The following SLC41A2 variants were observed in gnomAD, a reference collection of about 807,000 sequenced individuals.
SLC41A2 encodes SLC41A1-like 1.
A neutral mutation model predicts 58.3 loss-of-function variants in SLC41A2; 32 were observed. That is an observed-to-expected ratio of 0.55 (90% CI 0.41 to 0.74). The LOEUF is 0.74. SLC41A2 is among the 30% of genes least tolerant of loss of function. The probability of loss-of-function intolerance (pLI) is 0.00; values close to 1 mark genes in which losing one functional copy is unlikely to be tolerated. For synonymous variants in SLC41A2, 190 were observed against 235.0 expected, an observed-to-expected ratio of 0.81 and a Z score of 1.75; for missense variants, 514 against 680.6, an observed-to-expected ratio of 0.76 and a Z score of 2.72.
At chr12:104,924,750 A>T (rs2046761907) in intron 2 of SLC41A2, among the ~76,000 whole-genome samples, 2 of 152,102 alleles carry the variant, frequency 1.3e-5, no homozygotes, top group South Asian at 2.1e-4. Context: ...GTCTCAAAAA[A>T]AAAAAAGAGT....
intron 10 of SLC41A2, among the ~76,000 whole-genome samples, chr12:104,813,169 ACT>A (rs978038541): frequency 6.6e-6 from 1 of 151,988 alleles, no homozygotes; most frequent in African/African-American, 2.4e-5. Flanking sequence ...ACAGAGCAAG[ACT>A]CTGTCTCAAA....
chr12:104,929,428 G>C (rs938506961), intron 1 of SLC41A2, among the ~76,000 whole-genome samples: 1 of 152,150 alleles, frequency 6.6e-6, no homozygotes, highest in Admixed American at 6.5e-5. Context: ...AGCTTGTAAC[G>C]CACTTATTTA....
intron 10 of SLC41A2, among the ~76,000 whole-genome samples, chr12:104,807,945 T>A (rs2040988885): frequency 1.3e-5 from 2 of 152,352 alleles, no homozygotes; most frequent in Non-Finnish European, 2.9e-5. Context: ...AAGTTGCTTA[T>A]CAGCTTAAGG....
chr12:104,834,772 C>G (rs1038581205), intron 10 of SLC41A2, among the ~76,000 whole-genome samples: 1 of 151,808 alleles, frequency 6.6e-6, no homozygotes, highest in East Asian at 1.9e-4. Flanking sequence ...AAAAAGGAAG[C>G]CTTATCATTT....
At chr12:104,886,165 A>C in intron 6 of SLC41A2, 128 bp downstream of exon 6, 1 of 921,620 alleles carries the variant, frequency 1.1e-6, no homozygotes, top group Non-Finnish European at 1.6e-6. Context: ...AATGATAGTT[A>C]TCCTAATCAG....
chr12:104,828,367 G>C (rs565890071), intron 10 of SLC41A2, among the ~76,000 whole-genome samples: 1 of 152,304 alleles, frequency 6.6e-6, no homozygotes, highest in Non-Finnish European at 1.5e-5. Context: ...TAAGCCCACA[G>C]GTAATCTGAT....
intron 10 of SLC41A2, among the ~76,000 whole-genome samples, chr12:104,840,289 G>A (rs1012684637): frequency 6.6e-6 from 1 of 152,346 alleles, no homozygotes; most frequent in South Asian, 2.1e-4. Flanking sequence ...ACTGCTTAGA[G>A]AGAAAGAACC....
At chr12:104,818,346 T>C (rs2041496739) in intron 10 of SLC41A2, among the ~76,000 whole-genome samples, 1 of 152,178 alleles carries the variant, frequency 6.6e-6, no homozygotes, top group Non-Finnish European at 1.5e-5. Context: ...CTAGAACTTT[T>C]AGAAATAAAA....
chr12:104,866,544 A>G lies in SLC41A2; in HGVS notation c.1063T>C (p.Phe355Leu). Reference protein sequence around the residue: ...YYYISPLVGVFFLALTPIWII... With the variant: ...YYYISPLVGVLFLALTPIWII... ...CAAATAGGGGTTAGAGCCAAGAAAA[A>G]TACACCAACTAATGGAGAAATGTAG... Residue 355 changes from phenylalanine (F) to leucine (L), a missense_variant, in exon 7 of 11, where the codon TTT becomes CTT. Transcript: ENST00000258538. The G allele has an allele frequency of 2.5e-6, 4 of 1,611,936 alleles. No homozygotes were observed. The highest frequency in any genetic ancestry group is 3.4e-6 in the Non-Finnish European group (4 of 1,178,862).
intron 10 of SLC41A2, among the ~76,000 whole-genome samples, chr12:104,818,144 A>G (rs2041487625): frequency 1.3e-5 from 2 of 152,218 alleles, no homozygotes; most frequent in Admixed American, 1.3e-4. Flanking sequence ...ATCAATGCTT[A>G]AAAAGAGCAA....
intron 1 of SLC41A2, among the ~76,000 whole-genome samples, chr12:104,953,586 T>G (rs1273863714): frequency 6.6e-6 from 1 of 152,206 alleles, no homozygotes. Context: ...CCATTCTAAC[T>G]GCTATAAGAT....
chr12:104,888,094 T>A (rs2044762623), intron 5 of SLC41A2, among the ~76,000 whole-genome samples: 1 of 152,064 alleles, frequency 6.6e-6, no homozygotes, highest in South Asian at 2.1e-4. Context: ...ATGGCATAAT[T>A]ATTTTTGTAC....
At chr12:104,929,375 C>T (rs1267708195) in intron 1 of SLC41A2, among the ~76,000 whole-genome samples, 5 of 152,258 alleles carry the variant, frequency 3.3e-5, no homozygotes, top group East Asian at 3.9e-4. Flanking sequence ...AAAGAAATTA[C>T]AAATATTCAC....
At chr12:104,880,679 G>A (rs553686882) in intron 6 of SLC41A2, among the ~76,000 whole-genome samples, 1 of 152,140 alleles carries the variant, frequency 6.6e-6, no homozygotes, top group Non-Finnish European at 1.5e-5. Context: ...CTTGATTATG[G>A]TGGACACGCT....
At chr12:104,835,957 G>A (rs948254412) in intron 10 of SLC41A2, among the ~76,000 whole-genome samples, 5 of 152,104 alleles carry the variant, frequency 3.3e-5, no homozygotes, top group African/African-American at 1.2e-4. Flanking sequence ...TGATTCTCCT[G>A]CTTCAGCCTC....
In SLC41A2 at chr12:104,928,434, T is replaced by C. The variant is rs1219711606; in HGVS notation, c.94A>G (p.Thr32Ala). The C allele has an allele frequency of 1.3e-6, 2 of 1,552,544 alleles. No homozygotes were observed. The highest frequency in any genetic ancestry group is 2.7e-5 in the African/African-American group (2 of 73,158). ...TTTAAAAACTTGTCGGATTGAATTG[T>C]GTTTAAACGTAAAGTCCAATCTACA... ...GFVDWTLRLN[T>A]IQSDKFLNLL... Residue 32 changes from threonine to alanine, a missense_variant, in exon 2 of 11, where the codon ACA (threonine) becomes GCA (alanine). Thr to Ala is a moderately conservative substitution (Grantham distance 58). Around this residue, in one of 3 missense-constraint regions of SLC41A2, gnomAD observed 336 missense variants for 430.0 expected, o/e 0.78. Transcript: ENST00000258538.
chr12:104,823,287 C>T (rs1009233631), intron 10 of SLC41A2, among the ~76,000 whole-genome samples: 1 of 152,018 alleles, frequency 6.6e-6, no homozygotes, highest in Non-Finnish European at 1.5e-5. Context: ...ATATCTATAC[C>T]TGTCAACATA....
Position 104,804,980 on chromosome 12 carries a change from G to C in SLC41A2, c.*172C>G. On this transcript the variant is annotated 3_prime_UTR_variant, in exon 11 of 11. Coordinates refer to ENST00000258538, the MANE Select transcript of SLC41A2 (RefSeq NM_001352171.3). ...AGCAGCACGAATACTCTTCATTCTG[G>C]TTTTGACACAAATTCCTTAAAAAAA... The C allele has an allele frequency of 1.9e-6, 1 of 538,758 alleles. No homozygotes were observed. The highest frequency in any genetic ancestry group is 3.2e-5 in the South Asian group (1 of 31,580). The allele number at this position is 538,758 out of a possible 1,614,324, so 33.4% of individuals were successfully genotyped here. A position where few individuals can be genotyped will look rare whatever the true frequency, so the allele number is the denominator to read the frequency against.
At position 104,839,300 on chromosome 12, in the gene SLC41A2, A is replaced by C. The variant is rs186245763; in HGVS notation, c.1536+5172T>G. Among the ~76,000 whole-genome samples, 589 of 152,236 alleles carry C rather than the reference A, an allele frequency of 3.9e-3. 6 individuals are homozygous for C. The highest frequency in any genetic ancestry group is 0.013 in the African/African-American group (556 of 41,542). The stretch of plus-strand genomic sequence containing the variant: ...ACTGGGATACTTTATAGCAGAAAAA[A>C]TATTTATATACTCCATATATACATA... On this transcript the variant is annotated intron_variant, in intron 10 of 10. Transcript: ENST00000258538.
Sources: gnomAD v4.1 joint callset for allele counts (sites outside exome capture counted in the v4.1 genomes callset) on GRCh38, gnomAD v4.1.1 for gene constraint, gnomAD v4.1.1 regional missense constraint, MANE v1.5 for transcripts, NCBI Gene and HGNC (gene_info 2026-07-23, HGNC 2026-07-21) for gene names.